The following SMAD3 variants were observed in gnomAD, a reference collection of about 807,000 sequenced individuals.
The protein encoded by SMAD3 is SMAD family member 3.
Under a neutral mutation model 51.8 loss-of-function variants are expected in SMAD3, and 12 were observed. That is an observed-to-expected ratio of 0.23 (90% CI 0.15 to 0.38). The LOEUF is 0.38. Ranked by LOEUF, SMAD3 falls within the 10% of genes least tolerant of loss-of-function variation. SMAD3 has a pLI of 1.00. For missense variants in SMAD3, 294 were observed against 565.6 expected (o/e 0.52, Z 4.87); for synonymous variants, 238 against 227.7 (o/e 1.05, Z -0.41).
chr15:67,123,039 A>T (rs953259070), intron 1 of SMAD3, among the ~76,000 whole-genome samples: 1 of 151,998 alleles, frequency 6.6e-6, no homozygotes, highest in Non-Finnish European at 1.5e-5. Flanking sequence ...TCTACAAAAA[A>T]TTAAAAATAT....
At chr15:67,181,581 C>G in intron 6 of SMAD3, 128 bp downstream of exon 6, 2 of 813,904 alleles carry the variant, frequency 2.5e-6, no homozygotes, top group Non-Finnish European at 4.0e-6. Context: ...GCTCTGCCTC[C>G]TGCTGGGCAT....
At chr15:67,098,056 C>T (rs1009242813) in intron 1 of SMAD3, among the ~76,000 whole-genome samples, 4 of 152,114 alleles carry the variant, frequency 2.6e-5, no homozygotes, top group East Asian at 3.9e-4. Context: ...ATGGAGCATT[C>T]GTGGGTGTGC....
At chr15:67,098,826 A>T in intron 1 of SMAD3, 1 of 697,856 alleles carries the variant, frequency 1.4e-6, no homozygotes. Flanking sequence ...CTGAGGGCCC[A>T]CTGTTGCTCA....
At chr15:67,126,736 T>C (rs1714295644) in intron 1 of SMAD3, among the ~76,000 whole-genome samples, 1 of 152,062 alleles carries the variant, frequency 6.6e-6, no homozygotes, top group Non-Finnish European at 1.5e-5. Flanking sequence ...GTCGGATGAG[T>C]ATGTCTCTTC....
Position 67,112,536 on chromosome 15 carries a change from TA to T in SMAD3, c.206+46177del, listed in dbSNP as rs1299190465. 1.5e-5 allele frequency among the ~76,000 whole-genome samples: 2 copies of T among 133,928 alleles called. 1 individual carries two copies. The highest frequency in any genetic ancestry group is 5.9e-5 in the African/African-American group (2 of 33,826). 87.9% of individuals were successfully genotyped at this position (133,928 alleles called of 152,430 possible). Reference sequence around the variant, plus strand: ...TATATATTCTGGATATAAATTCCTTTATCAGATACATGGTTTGCAAATATTT... The same window carrying T: ...TATATATTCTGGATATAAATTCCTTTTCAGATACATGGTTTGCAAATATTT... On this transcript the variant is annotated intron_variant, in intron 1 of 8. Transcript: ENST00000327367.
At chr15:67,121,224 CCAGTGGGGATTTCCACGCGGCCCCAGTGT>C (rs1961254336) in intron 1 of SMAD3, among the ~76,000 whole-genome samples, 1 of 152,236 alleles carries the variant, frequency 6.6e-6, no homozygotes, top group Admixed American at 6.5e-5. Context: ...GGCGTGGAGC[CCAGTGGGGATTTCCACGCGGCCCCAGTGT>C]TCTCTTCTCC....
chr15:67,146,828 C>G (rs1417857206), intron 1 of SMAD3: 1 of 152,116 alleles, frequency 6.6e-6, no homozygotes, highest in Non-Finnish European at 1.5e-5. Context: ...CTGCTTAATC[C>G]AAGGAGCAGA....
intron 1 of SMAD3, among the ~76,000 whole-genome samples, chr15:67,089,130 A>C (rs907292517): frequency 5.3e-5 from 8 of 152,120 alleles, no homozygotes; most frequent in African/African-American, 1.9e-4. Flanking sequence ...TTCTCTTGCA[A>C]AGTGGGCCTT....
At position 67,141,326 on chromosome 15, in the gene SMAD3, C is replaced by T. The variant is rs148794805; in HGVS notation, c.207-23569C>T. ...ATTTTGGGATGAGCTGTGTCTTCCT[C>T]ATGCAGGTGGACTCTTTATGCCCTG... On this transcript the variant is annotated intron_variant, in intron 1 of 8. Transcript: ENST00000327367. 4.0e-3 allele frequency among the ~76,000 whole-genome samples: 609 copies of T among 152,328 alleles called. 4 individuals are homozygous for T. The highest frequency in any genetic ancestry group is 0.014 in the African/African-American group (595 of 41,574).
intron 1 of SMAD3, among the ~76,000 whole-genome samples, chr15:67,090,147 G>A (rs62005996): frequency 0.022 from 3,365 of 152,244 alleles, 65 homozygotes; most frequent in Non-Finnish European, 0.031. Context: ...CTGGAGTCGG[G>A]GTTCACCTTA....
In SMAD3 at chr15:67,194,767, C is replaced by CT; in HGVS notation, c.*4232dup. On this transcript the variant is annotated 3_prime_UTR_variant, in exon 9 of 9. Transcript: ENST00000327367. ...TGGCCGCGTGTAAAAACAGACAGCTCTGAGTCAAATCTGGGCCCTTCCACA... is the reference window on the plus strand; with the variant it reads ...TGGCCGCGTGTAAAAACAGACAGCTCTTGAGTCAAATCTGGGCCCTTCCACA... 1 of 232,504 alleles carries CT rather than the reference C, an allele frequency of 4.3e-6. No homozygotes were observed. 14.4% of individuals were successfully genotyped at this position (232,504 alleles called of 1,614,324 possible). A position where few individuals can be genotyped will look rare whatever the true frequency, so the allele number is the denominator to read the frequency against.
chr15:67,121,302 C>A (rs1212327223), intron 1 of SMAD3, among the ~76,000 whole-genome samples: 1 of 152,208 alleles, frequency 6.6e-6, no homozygotes, highest in Non-Finnish European at 1.5e-5. Context: ...TGGCTGCCAG[C>A]GGGTGCCGGT....
intron 1 of SMAD3, among the ~76,000 whole-genome samples, chr15:67,069,460 C>T (rs969337447): frequency 2.0e-5 from 3 of 152,028 alleles, no homozygotes; most frequent in Admixed American, 1.3e-4. Context: ...GGTGTGTGAG[C>T]GTTATATGAG....
intron 1 of SMAD3, among the ~76,000 whole-genome samples, chr15:67,133,056 C>G (rs898037198): frequency 1.3e-5 from 2 of 152,330 alleles, no homozygotes; most frequent in South Asian, 2.1e-4. Context: ...TCTTTAAACA[C>G]TTGTCCAAAC....
At chr15:67,113,508 G>C (rs1187280192) in intron 1 of SMAD3, among the ~76,000 whole-genome samples, 2 of 152,202 alleles carry the variant, frequency 1.3e-5, no homozygotes, top group Non-Finnish European at 2.9e-5. Flanking sequence ...TAGGGGAGAA[G>C]ACAAGAAAAT....
intron 5 of SMAD3, among the ~76,000 whole-genome samples, chr15:67,175,562 A>T (rs1252355598): frequency 1.3e-5 from 2 of 152,014 alleles, no homozygotes; most frequent in African/African-American, 2.4e-5. Context: ...TTCTTAGGTT[A>T]TTTCTTCCAA....
intron 1 of SMAD3, among the ~76,000 whole-genome samples, chr15:67,156,025 G>A (rs56375023): frequency 0.17 from 26,175 of 151,742 alleles, 2,803 homozygotes; most frequent in Non-Finnish European, 0.24. Flanking sequence ...GAGTGAACAC[G>A]GGGATAGTAG....
rs537062607 is a variant in SMAD3 at position 67,093,371 on chromosome 15, G to A, written c.206+27011G>A. Among the ~76,000 whole-genome samples, 11 of 152,298 alleles carry A rather than the reference G, an allele frequency of 7.2e-5. No homozygotes were observed. In the East Asian group the frequency reaches 1.3e-3, roughly 19 times the overall value. On this transcript the variant is annotated intron_variant, in intron 1 of 8. Transcript: ENST00000327367. Reference sequence around the variant, plus strand: ...CTCTGCCAGGGCCCACACCAGCCTCGCCACCTCGGTGAGCCTCTCATTCCA... The same window carrying A: ...CTCTGCCAGGGCCCACACCAGCCTCACCACCTCGGTGAGCCTCTCATTCCA...
At chr15:67,181,789 A>T (rs78924471) in intron 6 of SMAD3, among the ~76,000 whole-genome samples, 2 of 137,830 alleles carry the variant, frequency 1.5e-5, no homozygotes, top group African/African-American at 2.7e-5. Flanking sequence ...TATGAAATCT[A>T]TTTTTTTTTT....
Sources: gnomAD v4.1 joint callset for allele counts (sites outside exome capture counted in the v4.1 genomes callset) on GRCh38, gnomAD v4.1.1 for gene constraint, MANE v1.5 for transcripts, NCBI Gene and HGNC (gene_info 2026-07-23, HGNC 2026-07-21) for gene names.